GABRB2: variants seen among roughly 807,000 people sequenced by gnomAD.
GABRB2 encodes gamma-aminobutyric acid type A receptor subunit beta2.
GABRB2 carries 16 observed loss-of-function variants against 54.7 expected under a neutral mutation model. That is an observed-to-expected ratio of 0.29 (90% confidence interval 0.20 to 0.44). GABRB2 has a LOEUF of 0.44. Ranked by LOEUF, GABRB2 falls within the 20% of genes least tolerant of loss-of-function variation. The pLI is 1.00. For synonymous variants in GABRB2, 244 were observed against 233.8 expected, an observed-to-expected ratio of 1.04 and a Z score of -0.40; for missense variants, 355 against 644.0, an observed-to-expected ratio of 0.55 and a Z score of 4.86.
chr5:161,450,947 A>G (rs909077017), intron 4 of GABRB2, among the ~76,000 whole-genome samples: 3 of 152,142 alleles, frequency 2.0e-5, no homozygotes, highest in Non-Finnish European at 4.4e-5. Context: ...AGAAGGACTC[A>G]TATTCTTAAT....
At chr5:161,324,922 G>T (rs1458106150) in intron 9 of GABRB2, among the ~76,000 whole-genome samples, 1 of 151,986 alleles carries the variant, frequency 6.6e-6, no homozygotes, top group African/African-American at 2.4e-5. Flanking sequence ...CAAATCATGG[G>T]ATAAGAGAGT....
At chr5:161,453,797 G>A (rs894459769) in intron 4 of GABRB2, among the ~76,000 whole-genome samples, 2 of 152,100 alleles carry the variant, frequency 1.3e-5, no homozygotes, top group Non-Finnish European at 2.9e-5. Context: ...AGCACACTGG[G>A]AGGTCGGGGT....
At chr5:161,462,996 T>C (rs961608141) in intron 3 of GABRB2, among the ~76,000 whole-genome samples, 15 of 152,058 alleles carry the variant, frequency 9.9e-5, no homozygotes, top group Non-Finnish European at 2.2e-4. Context: ...TTATTCAAAC[T>C]GAAAAACCCC....
chr5:161,454,468 T>G lies in GABRB2; in HGVS notation c.458+5156A>C, dbSNP rs111360176. 3.5e-3 allele frequency among the ~76,000 whole-genome samples: 526 copies of G among 152,288 alleles called. 4 individuals carry two copies. The highest frequency in any genetic ancestry group is 0.012 in the African/African-American group (490 of 41,564). ...CATTCCTTTCAATGCACTTGCTCAG[T>G]CCCACTCTTTCTGTTCTACACAAAG... On this transcript the variant is annotated intron_variant, in intron 4 of 9. Coordinates refer to ENST00000393959, the MANE Select transcript of GABRB2 (RefSeq NM_001371727.1).
At chr5:161,397,829 C>T (rs1476099048) in intron 5 of GABRB2, among the ~76,000 whole-genome samples, 1 of 152,182 alleles carries the variant, frequency 6.6e-6, no homozygotes, top group Non-Finnish European at 1.5e-5. Context: ...GAGAGCATGA[C>T]ACCTGAGGAT....
intron 3 of GABRB2, among the ~76,000 whole-genome samples, chr5:161,464,855 T>G (rs1440227240): frequency 1.3e-5 from 2 of 151,952 alleles, no homozygotes; most frequent in Non-Finnish European, 2.9e-5. Context: ...ACTATAGAGA[T>G]GAAGAACAGA....
chr5:161,323,424 G>A (rs1016471293), intron 9 of GABRB2, among the ~76,000 whole-genome samples: 24 of 152,124 alleles, frequency 1.6e-4, no homozygotes, highest in Non-Finnish European at 3.4e-4. Context: ...TAGCTGTCAT[G>A]CTGTTTCTTT....
At chr5:161,547,430 A>G (rs1761021480), upstream of GABRB2, among the ~76,000 whole-genome samples, 2 of 152,174 alleles carry the variant, frequency 1.3e-5, no homozygotes, top group African/African-American at 4.8e-5. Context: ...GTCAAAGAGC[A>G]AGCTTTTCTT....
chr5:161,293,964 C>G lies in GABRB2; in HGVS notation c.*117G>C, dbSNP rs1757303974. 2.6e-6 allele frequency: 2 copies of G among 776,888 alleles called. No homozygotes were observed. The highest frequency in any genetic ancestry group is 4.1e-6 in the Non-Finnish European group (2 of 483,190). The allele number at this position is 776,888 out of a possible 1,614,324, so 48.1% of individuals were successfully genotyped here. A position where few individuals can be genotyped will look rare whatever the true frequency, so the allele number is the denominator to read the frequency against. ...AATGGACCACAGGATAGGCCAGCAA[C>G]TAAGGTATTTTAGCGTCACTTTTGT... On this transcript the variant is annotated 3_prime_UTR_variant, in exon 10 of 10. Coordinates refer to ENST00000393959, the MANE Select transcript of GABRB2 (RefSeq NM_001371727.1).
At chr5:161,337,042 C>T (rs1302412277) in intron 5 of GABRB2, among the ~76,000 whole-genome samples, 1 of 152,018 alleles carries the variant, frequency 6.6e-6, no homozygotes, top group African/African-American at 2.4e-5. Context: ...TCTCTTGCAA[C>T]TAGGAATAGT....
At chr5:161,373,382 C>T (rs954408303) in intron 5 of GABRB2, among the ~76,000 whole-genome samples, 5 of 152,134 alleles carry the variant, frequency 3.3e-5, no homozygotes, top group Non-Finnish European at 5.9e-5. Context: ...GAAGACTAAA[C>T]AATATATAAT....
intron 8 of GABRB2, chr5:161,326,878 A>T (rs1240551418): frequency 3.5e-6 from 2 of 577,750 alleles, no homozygotes; most frequent in African/African-American, 4.1e-5. Context: ...ACGGTGGTAA[A>T]AAGGCAAGAA....
chr5:161,487,675 C>G (rs1257515620), intron 3 of GABRB2, among the ~76,000 whole-genome samples: 1 of 151,850 alleles, frequency 6.6e-6, no homozygotes, highest in Non-Finnish European at 1.5e-5. Flanking sequence ...GTTTTCTCAT[C>G]TGTAAAATAG....
chr5:161,482,836 A>T (rs1758805322), intron 3 of GABRB2, among the ~76,000 whole-genome samples: 1 of 152,038 alleles, frequency 6.6e-6, no homozygotes, highest in Admixed American at 6.6e-5. Context: ...AAAACTAGGC[A>T]GCAACTGTTC....
chr5:161,487,013 C>G (rs1483532059), intron 3 of GABRB2, among the ~76,000 whole-genome samples: 1 of 151,910 alleles, frequency 6.6e-6, no homozygotes, highest in African/African-American at 2.4e-5. Flanking sequence ...AGGCAAATTT[C>G]AAGTAAATTA....
intron 5 of GABRB2, among the ~76,000 whole-genome samples, chr5:161,351,863 CAAAT>C (rs948171016): frequency 6.6e-6 from 1 of 151,904 alleles, no homozygotes; most frequent in African/African-American, 2.4e-5. Flanking sequence ...AGCAAGAAAA[CAAAT>C]AATCCAATTA....
intron 5 of GABRB2, among the ~76,000 whole-genome samples, chr5:161,355,158 T>C (rs998227947): frequency 1.3e-5 from 2 of 151,792 alleles, no homozygotes; most frequent in Non-Finnish European, 2.9e-5. Flanking sequence ...GTTGATTTTC[T>C]TTATAGTTGA....
chr5:161,538,276 A>C (rs540371499), intron 3 of GABRB2, among the ~76,000 whole-genome samples: 5 of 152,344 alleles, frequency 3.3e-5, no homozygotes, highest in African/African-American at 4.8e-5. Context: ...GCAAAACCAC[A>C]CTGGGAGAGA....
At chr5:161,539,301 G>A (rs1405741165) in intron 3 of GABRB2, among the ~76,000 whole-genome samples, 1 of 152,156 alleles carries the variant, frequency 6.6e-6, no homozygotes, top group Non-Finnish European at 1.5e-5. Context: ...CAAGCTTTCT[G>A]CTCAGGAGCA....
Sources: gnomAD v4.1 joint callset for allele counts (sites outside exome capture counted in the v4.1 genomes callset) on GRCh38, gnomAD v4.1.1 for gene constraint, MANE v1.5 for transcripts, NCBI Gene and HGNC (gene_info 2026-07-23, HGNC 2026-07-21) for gene names.